Variants in NIPSNAP2 observed in about 807,000 individuals in gnomAD.
The protein encoded by NIPSNAP2 is protein NipSnap homolog 2.
Under a neutral mutation model 48.4 loss-of-function variants are expected in NIPSNAP2, and 42 were observed. That is an observed-to-expected ratio of 0.87 (90% CI 0.68 to 1.12). The LOEUF (loss-of-function observed/expected upper bound fraction) is 1.12. Among genes scored for constraint, NIPSNAP2 ranks in the 50% most tolerant of loss-of-function variants. NIPSNAP2 has a pLI of 0.00. For synonymous variants in NIPSNAP2, 158 were observed against 126.6 expected (o/e 1.25, Z -1.67); for missense variants, 314 against 347.3 (o/e 0.90, Z 0.76).
At position 55,994,153 on chromosome 7, in the gene NIPSNAP2, C is replaced by A. The variant is rs149444652; in HGVS notation, c.618-741C>A. ...CCTGCCCCAGGGGTGGTCCCTGTCTCCCTTGGGTACAGTGCCCTGTGGCAC... is the reference window on the plus strand; with the variant it reads ...CCTGCCCCAGGGGTGGTCCCTGTCTACCTTGGGTACAGTGCCCTGTGGCAC... On this transcript the variant is annotated intron_variant, in intron 7 of 9. Transcript: ENST00000322090. Among the ~76,000 whole-genome samples the A allele has an allele frequency of 4.1e-3, 620 of 152,254 alleles. 4 individuals carry two copies. Among genetic ancestry groups the A allele is most frequent in the African/African-American group, 0.014 (579 of 41,552 alleles).
intron 1 of NIPSNAP2, among the ~76,000 whole-genome samples, chr7:55,972,269 A>G (rs578008947): frequency 2.7e-5 from 4 of 150,866 alleles, no homozygotes; most frequent in South Asian, 4.2e-4. Flanking sequence ...TTGTGCCACT[A>G]TTGCCCTCCA....
intron 1 of NIPSNAP2, among the ~76,000 whole-genome samples, chr7:55,972,479 C>G (rs1205120598): frequency 6.7e-6 from 1 of 148,378 alleles, no homozygotes; most frequent in African/African-American, 2.5e-5. Flanking sequence ...GTTGCCCAGG[C>G]TGGAGTGTAG....
chr7:55,997,489 C>T (rs745369632), intron 9 of NIPSNAP2, 40 bp downstream of exon 9: 6 of 1,456,292 alleles, frequency 4.1e-6, no homozygotes, highest in Admixed American at 1.7e-5. Flanking sequence ...TTTTGTCTTA[C>T]TGTTTCAATC....
chr7:55,997,566 C>A, intron 9 of NIPSNAP2, 117 bp downstream of exon 9: 1 of 755,906 alleles, frequency 1.3e-6, no homozygotes, highest in Non-Finnish European at 2.2e-6. Flanking sequence ...AGTGAGTTAT[C>A]AGGTTGTGGG....
intron 1 of NIPSNAP2, among the ~76,000 whole-genome samples, chr7:55,969,327 A>C (rs1014836954): frequency 2.6e-5 from 4 of 151,412 alleles, no homozygotes; most frequent in African/African-American, 9.7e-5. Context: ...GGGTCTGTCA[A>C]CCTCTTCTCT....
In NIPSNAP2 at chr7:55,996,186, T is replaced by C. The variant is rs549462348; in HGVS notation, c.713-1180T>C. On this transcript the variant is annotated intron_variant, in intron 8 of 9. Coordinates refer to ENST00000322090, the MANE Select transcript of NIPSNAP2 (RefSeq NM_001483.3). ...CTGTAATCCCAGGTACACAAGATGC[T>C]GAGGCAGAAGAATCGATTGAACTCA... is the stretch of plus-strand genomic sequence containing the variant. 3.8e-4 allele frequency among the ~76,000 whole-genome samples: 57 copies of C among 150,220 alleles called. 1 individual carries two copies. The highest frequency in any genetic ancestry group is 1.0e-4 in the Non-Finnish European group (7 of 67,808).
rs1787640691 is a variant in NIPSNAP2 at position 55,999,715 on chromosome 7, T to G, written c.*643T>G. ...GTTTCAATGTGAGACACAAAAACAATGGCTTGAAACTTGTGTATCATATGT... is the reference window on the plus strand; with the variant it reads ...GTTTCAATGTGAGACACAAAAACAAGGGCTTGAAACTTGTGTATCATATGT... On this transcript the variant is annotated 3_prime_UTR_variant, in exon 10 of 10. Transcript: ENST00000322090. The G allele has an allele frequency of 6.6e-6, 1 of 152,308 alleles. No individual in the cohort carries two copies. The highest frequency in any genetic ancestry group is 2.4e-5 in the African/African-American group (1 of 41,466). The allele number at this position is 152,308 out of a possible 1,614,324, so 9.4% of individuals were successfully genotyped here.
intron 1 of NIPSNAP2, 84 bp downstream of exon 1, chr7:55,964,785 G>T: frequency 3.0e-6 from 2 of 664,276 alleles, no homozygotes; most frequent in South Asian, 1.4e-4. Context: ...GCCGGTCTCC[G>T]CCCCGGCCCT....
chr7:55,997,157 A>AG (rs1228077783), intron 8 of NIPSNAP2, among the ~76,000 whole-genome samples: 9 of 148,326 alleles, frequency 6.1e-5, no homozygotes, highest in Non-Finnish European at 1.2e-4. Context: ...ACCTTGTCTC[A>AG]GAAAAAAAAA....
intron 5 of NIPSNAP2, among the ~76,000 whole-genome samples, chr7:55,983,066 T>A (rs1325008497): frequency 1.5e-5 from 2 of 137,512 alleles, no homozygotes; most frequent in Non-Finnish European, 3.2e-5. Flanking sequence ...GAGGTTGCAG[T>A]GTGCCGAGAC....
chr7:55,995,680 C>T (rs569840635), intron 8 of NIPSNAP2, among the ~76,000 whole-genome samples: 2 of 152,274 alleles, frequency 1.3e-5, no homozygotes, highest in African/African-American at 4.8e-5. Context: ...GGGCAGAGGT[C>T]AAGCCAGGTG....
chr7:55,973,593 G>T (rs1037263510), intron 1 of NIPSNAP2, among the ~76,000 whole-genome samples: 1 of 151,670 alleles, frequency 6.6e-6, no homozygotes, highest in African/African-American at 2.4e-5. Context: ...TCCTACCTCA[G>T]CCTCCTGAGT....
intron 1 of NIPSNAP2, among the ~76,000 whole-genome samples, chr7:55,977,062 A>C (rs767106557): frequency 3.6e-4 from 54 of 149,828 alleles, no homozygotes; most frequent in Non-Finnish European, 5.2e-4. Flanking sequence ...CAGTTAAAAA[A>C]TTTTTGATTT....
intron 3 of NIPSNAP2, chr7:55,979,445 A>C (rs1041381226): frequency 1.5e-5 from 3 of 199,196 alleles, no homozygotes; most frequent in African/African-American, 7.1e-5. Context: ...TGCTCTTCCA[A>C]CTTCCCTGTC....
intron 7 of NIPSNAP2, among the ~76,000 whole-genome samples, chr7:55,992,600 C>T (rs1272202924): frequency 6.6e-6 from 1 of 152,200 alleles, no homozygotes; most frequent in African/African-American, 2.4e-5. Context: ...GAAGAGAATG[C>T]TCAGCCAAGC....
At chr7:55,968,064 A>G (rs2094611852) in intron 1 of NIPSNAP2, among the ~76,000 whole-genome samples, 1 of 152,270 alleles carries the variant, frequency 6.6e-6, no homozygotes, top group African/African-American at 2.4e-5. Flanking sequence ...TTCTAGGATT[A>G]TAGGTGTGAG....
chr7:55,967,330 A>G (rs921238578), intron 1 of NIPSNAP2, among the ~76,000 whole-genome samples: 2 of 152,158 alleles, frequency 1.3e-5, no homozygotes, highest in Non-Finnish European at 1.5e-5. Context: ...TCATTTACCA[A>G]ATCTGTCAGT....
chr7:55,981,176 G>T, intron 3 of NIPSNAP2: 5 of 169,214 alleles, frequency 3.0e-5, no homozygotes, highest in East Asian at 1.6e-4. Flanking sequence ...GAAAATAGTA[G>T]ACCCATAGCT....
At chr7:55,974,633 G>A (rs1315206981) in intron 1 of NIPSNAP2, among the ~76,000 whole-genome samples, 1 of 152,014 alleles carries the variant, frequency 6.6e-6, no homozygotes, top group Non-Finnish European at 1.5e-5. Context: ...CGGATCATGA[G>A]GTCAGGAGAT....
Sources: gnomAD v4.1 joint callset for allele counts (sites outside exome capture counted in the v4.1 genomes callset) on GRCh38, gnomAD v4.1.1 for gene constraint, MANE v1.5 for transcripts, NCBI Gene and HGNC (gene_info 2026-07-23, HGNC 2026-07-21) for gene names.